PXDNL: variants seen among roughly 807,000 people sequenced by gnomAD.
PXDNL encodes the protein peroxidasin like.
A neutral mutation model predicts 150.8 loss-of-function variants in PXDNL; 145 were observed. The ratio of observed to expected loss-of-function variants is 0.96; its 90% CI spans 0.84 to 1.10. PXDNL has a LOEUF of 1.10. Among genes scored for constraint, PXDNL ranks in the 50% least tolerant of loss-of-function variants. PXDNL has a pLI of 0.00. For missense variants in PXDNL, 2,087 were observed against 1,873.9 expected, an observed-to-expected ratio of 1.11 and a Z score of -2.10; for synonymous variants, 757 against 725.7, an observed-to-expected ratio of 1.04 and a Z score of -0.69.
intron 4 of PXDNL, among the ~76,000 whole-genome samples, chr8:51,526,545 G>T (rs4321993): frequency 6.6e-6 from 1 of 151,882 alleles, no homozygotes; most frequent in Admixed American, 6.6e-5. Context: ...GCTAAGGAGA[G>T]CTATTTTATC....
At chr8:51,482,544 G>C (rs1175473252) in intron 6 of PXDNL, among the ~76,000 whole-genome samples, 2 of 152,080 alleles carry the variant, frequency 1.3e-5, no homozygotes, top group Non-Finnish European at 2.9e-5. Flanking sequence ...GAGGGGCCAG[G>C]GGCGGAATGA....
chr8:51,439,232 AAAAC>A (rs1232364125), intron 12 of PXDNL, among the ~76,000 whole-genome samples: 5 of 152,198 alleles, frequency 3.3e-5, no homozygotes, highest in African/African-American at 9.7e-5. Flanking sequence ...CAGCAAGAAA[AAAAC>A]AAACAATCCA....
chr8:51,636,158 T>C (rs1298037475), intron 2 of PXDNL, among the ~76,000 whole-genome samples: 2 of 152,086 alleles, frequency 1.3e-5, no homozygotes, highest in Admixed American at 1.3e-4. Flanking sequence ...CACCCTTTTA[T>C]AATCAACAAA....
Position 51,809,442 on chromosome 8 carries a change from G to A in PXDNL, c.-98C>T, listed in dbSNP as rs1436575214. On this transcript the variant is annotated 5_prime_UTR_variant, in exon 1 of 23. Transcript: ENST00000356297. ...GCAGTGGTGGTGATGGTGGCTGCTG[G>A]ACTGAGCCAAGTTTGGGAGCCGTGG... 1.9e-5 allele frequency: 24 copies of A among 1,252,684 alleles called. No homozygotes were observed. Among genetic ancestry groups the A allele is most frequent in the Non-Finnish European group, 2.4e-5 (22 of 935,276 alleles). The allele number at this position is 1,252,684 out of a possible 1,614,324, so 77.6% of individuals were successfully genotyped here.
chr8:51,748,448 G>C (rs1438847800), intron 1 of PXDNL, among the ~76,000 whole-genome samples: 1 of 152,152 alleles, frequency 6.6e-6, no homozygotes, highest in African/African-American at 2.4e-5. Context: ...CTCAAACCCT[G>C]CATTGTGGGT....
chr8:51,638,375 T>C (rs538851974), intron 2 of PXDNL, among the ~76,000 whole-genome samples: 1 of 152,248 alleles, frequency 6.6e-6, no homozygotes, highest in South Asian at 2.1e-4. Flanking sequence ...GTAAATGGGC[T>C]AAATGCTCCA....
At chr8:51,780,392 T>A (rs1027454738) in intron 1 of PXDNL, among the ~76,000 whole-genome samples, 2 of 152,064 alleles carry the variant, frequency 1.3e-5, no homozygotes, top group Non-Finnish European at 2.9e-5. Context: ...CACCCAAAAA[T>A]ACATATGTAA....
At chr8:51,535,398 C>T (rs1286255107) in intron 4 of PXDNL, among the ~76,000 whole-genome samples, 2 of 100,314 alleles carry the variant, frequency 2.0e-5, no homozygotes, top group African/African-American at 5.2e-5. Context: ...CCTTGGGATC[C>T]TGTTGATCTG....
chr8:51,663,232 G>A (rs1019360577), intron 1 of PXDNL, among the ~76,000 whole-genome samples: 5 of 152,144 alleles, frequency 3.3e-5, no homozygotes, highest in South Asian at 2.1e-4. Context: ...CCCTGCCTGC[G>A]CTTAAATGTG....
intron 1 of PXDNL, 111 bp downstream of exon 1, chr8:51,809,070 T>C (rs2037707264): frequency 1.8e-6 from 2 of 1,124,718 alleles, no homozygotes; most frequent in Non-Finnish European, 2.6e-6. Context: ...CTCTTCTAAG[T>C]ATACAAGCAG....
At chr8:51,647,247 C>A (rs754426135) in intron 2 of PXDNL, among the ~76,000 whole-genome samples, 7 of 152,026 alleles carry the variant, frequency 4.6e-5, no homozygotes, top group African/African-American at 1.7e-4. Context: ...AGAACGGCAA[C>A]ATAGAGTTTT....
chr8:51,756,159 C>T (rs2037098524), intron 1 of PXDNL, among the ~76,000 whole-genome samples: 5 of 152,000 alleles, frequency 3.3e-5, no homozygotes, highest in Admixed American at 3.3e-4. Flanking sequence ...TTTGGGAGGC[C>T]AAGGTGGGCA....
intron 4 of PXDNL, among the ~76,000 whole-genome samples, chr8:51,531,531 G>C (rs1019123642): frequency 1.3e-5 from 2 of 152,166 alleles, no homozygotes; most frequent in Non-Finnish European, 2.9e-5. Context: ...GATGGGCTCA[G>C]GCCGGTCCCC....
chr8:51,479,156 G>A (rs527632204), intron 6 of PXDNL, among the ~76,000 whole-genome samples: 70 of 152,244 alleles, frequency 4.6e-4, no homozygotes, highest in Non-Finnish European at 8.4e-4. Flanking sequence ...CAAAAAAGCT[G>A]CTACTAAGAT....
At chr8:51,568,442 TG>T (rs1373898408) in intron 3 of PXDNL, among the ~76,000 whole-genome samples, 1 of 151,944 alleles carries the variant, frequency 6.6e-6, no homozygotes, top group Non-Finnish European at 1.5e-5. Context: ...ATGCTCTTTT[TG>T]CTTACATGTT....
chr8:51,785,432 A>G (rs997480937), intron 1 of PXDNL, among the ~76,000 whole-genome samples: 1 of 152,196 alleles, frequency 6.6e-6, no homozygotes, highest in African/African-American at 2.4e-5. Flanking sequence ...TGTGCTTCAG[A>G]GATACTGTGT....
At chr8:51,629,543 AAAGAT>A (rs1427173788) in intron 2 of PXDNL, among the ~76,000 whole-genome samples, 9 of 152,212 alleles carry the variant, frequency 5.9e-5, no homozygotes, top group African/African-American at 2.2e-4. Flanking sequence ...AAATTTGATA[AAAGAT>A]AAGAATCTGA....
intron 12 of PXDNL, 77 bp from the exon 13 acceptor site, chr8:51,426,835 T>G: frequency 1.3e-6 from 1 of 776,380 alleles, no homozygotes; most frequent in Middle Eastern, 2.3e-4. Context: ...GTCAAAGGTA[T>G]GAACCTGAAT....
rs145586808 is a variant in PXDNL at position 51,546,078 on chromosome 8, A to G, written c.380+10762T>C. ...TTACATTGTGAACTCTTGCTTCAAT[A>G]ACCACTATAGGAACATATGAGGAAA... On this transcript the variant is annotated intron_variant, in intron 4 of 22. Transcript: ENST00000356297. Among the ~76,000 whole-genome samples the G allele has an allele frequency of 6.7e-4, 102 of 152,316 alleles. 1 individual carries two copies. The East Asian group carries it at 0.014, about 22-fold the overall frequency.
Sources: allele counts gnomAD v4.1 joint callset (sites outside exome capture counted in the v4.1 genomes callset), GRCh38; gene constraint gnomAD v4.1.1; transcripts MANE v1.5; gene names NCBI Gene and HGNC (gene_info 2026-07-23, HGNC 2026-07-21).